The following MDGA2 variants were observed in gnomAD, a reference collection of about 807,000 sequenced individuals.
MDGA2 encodes the protein MAM domain containing glycosylphosphatidylinositol anchor 2.
A neutral mutation model predicts 117.8 loss-of-function variants in MDGA2; 40 were observed. That is an observed-to-expected ratio of 0.34 (90% CI 0.26 to 0.44). The LOEUF is 0.44. Ranked by LOEUF, MDGA2 falls within the 20% of genes least tolerant of loss-of-function variation. The probability of loss-of-function intolerance (pLI) is 1.00; values close to 1 mark genes in which losing one functional copy is unlikely to be tolerated. For synonymous variants in MDGA2, 452 were observed against 439.0 expected (o/e 1.03, Z -0.37); for missense variants, 1,123 against 1,250.6 (o/e 0.90, Z 1.54).
intron 2 of MDGA2, among the ~76,000 whole-genome samples, chr14:47,289,085 C>T: frequency 6.6e-6 from 1 of 151,880 alleles, no homozygotes; most frequent in East Asian, 1.9e-4. Context: ...AGTCTGAAAC[C>T]TCCTTTAAAG....
intron 1 of MDGA2, among the ~76,000 whole-genome samples, chr14:47,667,875 T>G (rs1898005007): frequency 6.6e-6 from 1 of 152,182 alleles, no homozygotes; most frequent in Non-Finnish European, 1.5e-5. Context: ...GACCCCAAAT[T>G]TCAGCCACAC....
At chr14:47,095,981 G>A (rs1879944453) in intron 6 of MDGA2, among the ~76,000 whole-genome samples, 1 of 151,934 alleles carries the variant, frequency 6.6e-6, no homozygotes. Context: ...GACCATACCA[G>A]GTGAAGTGAG....
At chr14:46,895,253 AGT>A in intron 10 of MDGA2, among the ~76,000 whole-genome samples, 1 of 152,098 alleles carries the variant, frequency 6.6e-6, no homozygotes, top group Non-Finnish European at 1.5e-5. Context: ...CGTGATAGTG[AGT>A]GAGTTCTCAC....
chr14:47,350,211 T>C (rs1050196446), intron 1 of MDGA2, among the ~76,000 whole-genome samples: 4 of 152,206 alleles, frequency 2.6e-5, no homozygotes, highest in African/African-American at 9.6e-5. Context: ...TATACCATGA[T>C]CTGCAACTGT....
intron 1 of MDGA2, among the ~76,000 whole-genome samples, chr14:47,500,226 A>C (rs1894371957): frequency 6.6e-6 from 1 of 152,132 alleles, no homozygotes; most frequent in East Asian, 1.9e-4. Context: ...GTCTTTCAAA[A>C]GGTAAATTAA....
At chr14:46,917,146 A>C (rs1883932059) in intron 10 of MDGA2, among the ~76,000 whole-genome samples, 1 of 152,228 alleles carries the variant, frequency 6.6e-6, no homozygotes, top group South Asian at 2.1e-4. Context: ...TAGATCTTAC[A>C]GAAGACAATA....
At chr14:47,282,806 G>GAT (rs1888544627) in intron 2 of MDGA2, among the ~76,000 whole-genome samples, 1 of 152,052 alleles carries the variant, frequency 6.6e-6, no homozygotes, top group African/African-American at 2.4e-5. Context: ...GGACTAGCTG[G>GAT]GTGTGGTGGC....
chr14:47,481,027 G>T (rs1205981949), intron 1 of MDGA2, among the ~76,000 whole-genome samples: 1 of 151,860 alleles, frequency 6.6e-6, no homozygotes, highest in Non-Finnish European at 1.5e-5. Context: ...CTTTATATAA[G>T]AACAGGCTAA....
intron 1 of MDGA2, among the ~76,000 whole-genome samples, chr14:47,485,029 GA>G (rs1894030496): frequency 6.6e-6 from 1 of 152,114 alleles, no homozygotes; most frequent in Non-Finnish European, 1.5e-5. Context: ...GGGCGCTGCT[GA>G]AAAGACATCC....
chr14:47,612,433 C>T (rs757877079), intron 1 of MDGA2, among the ~76,000 whole-genome samples: 1 of 151,920 alleles, frequency 6.6e-6, no homozygotes, highest in Non-Finnish European at 1.5e-5. Flanking sequence ...ATGTTTTTTT[C>T]AAATACAAGC....
chr14:47,363,874 AG>A (rs1204985995), intron 1 of MDGA2, among the ~76,000 whole-genome samples: 2 of 152,208 alleles, frequency 1.3e-5, no homozygotes, highest in Non-Finnish European at 2.9e-5. Context: ...AATTTACTGT[AG>A]AATGTATGTA....
Position 47,221,221 on chromosome 14 carries a change from A to C in MDGA2, c.421-3026T>G, listed in dbSNP as rs181001799. Among the ~76,000 whole-genome samples the C allele has an allele frequency of 2.4e-3, 367 of 152,312 alleles. 2 individuals carry two copies. The highest frequency in any genetic ancestry group is 8.6e-3 in the African/African-American group (358 of 41,582). ...GCAAAGCAGAGGTAACATTGTAGGGATGGAAGGAAAGGAAAGGAGAGAAAA... is the reference window on the plus strand; with the variant it reads ...GCAAAGCAGAGGTAACATTGTAGGGCTGGAAGGAAAGGAAAGGAGAGAAAA... On this transcript the variant is annotated intron_variant, in intron 2 of 16. Transcript: ENST00000399232.
At chr14:47,526,723 C>G (rs1384149844) in intron 1 of MDGA2, among the ~76,000 whole-genome samples, 1 of 152,156 alleles carries the variant, frequency 6.6e-6, no homozygotes, top group Non-Finnish European at 1.5e-5. Flanking sequence ...TCTTCACCCT[C>G]AAGTCCTGAT....
At chr14:47,400,668 G>T (rs1332850551) in intron 1 of MDGA2, among the ~76,000 whole-genome samples, 3 of 146,538 alleles carry the variant, frequency 2.0e-5, no homozygotes, top group African/African-American at 7.6e-5. Context: ...CCTGGGCGAC[G>T]AAGCAAGACT....
intron 1 of MDGA2, among the ~76,000 whole-genome samples, chr14:47,391,538 C>T (rs1891895324): frequency 6.6e-6 from 1 of 152,084 alleles, no homozygotes; most frequent in Non-Finnish European, 1.5e-5. Context: ...ATATGTCAAC[C>T]CCATCTCACT....
At chr14:47,016,309 T>C (rs1375585891) in intron 8 of MDGA2, among the ~76,000 whole-genome samples, 1 of 151,926 alleles carries the variant, frequency 6.6e-6, no homozygotes, top group Admixed American at 6.6e-5. Flanking sequence ...AGGTCCAAAT[T>C]ACATTAAATC....
At chr14:47,186,267 G>A (rs1248625843) in intron 3 of MDGA2, among the ~76,000 whole-genome samples, 1 of 151,444 alleles carries the variant, frequency 6.6e-6, no homozygotes. Flanking sequence ...TAAATGTAAT[G>A]CAATGATTAC....
At chr14:47,499,333 T>C (rs1894351143) in intron 1 of MDGA2, among the ~76,000 whole-genome samples, 1 of 152,298 alleles carries the variant, frequency 6.6e-6, no homozygotes, top group Admixed American at 6.5e-5. Context: ...TCCTTTATTG[T>C]AGATTTTGCC....
rs985919430 is a variant in MDGA2 at position 47,674,525 on chromosome 14, C to A, written c.272G>T (p.Gly91Val). ...TVLLEGISGQ[G>V]VYAPPTVRIV... ...GTCGCGATTCCACTCACCGTACACT[C>A]CTTGGCCAGAGATCCCCTCCAGGAG... Residue 91 changes from glycine (G) to valine (V), a missense_variant, in exon 1 of 17, where the codon GGA (glycine) becomes GTA (valine). This residue lies in a region of MDGA2 where 233 missense variants were observed against 200.3 expected (regional missense o/e 1.16). Coordinates refer to ENST00000399232, the MANE Select transcript of MDGA2 (RefSeq NM_001113498.3). 1.7e-5 allele frequency: 26 copies of A among 1,551,166 alleles called. No individual in the cohort carries two copies. Among genetic ancestry groups the A allele is most frequent in the Non-Finnish European group, 2.1e-5 (24 of 1,146,790 alleles).
Sources: gnomAD v4.1 joint callset for allele counts (sites outside exome capture counted in the v4.1 genomes callset) on GRCh38, gnomAD v4.1.1 for gene constraint, gnomAD v4.1.1 regional missense constraint, MANE v1.5 for transcripts, NCBI Gene and HGNC (gene_info 2026-07-23, HGNC 2026-07-21) for gene names.